The following RCN3 variants were observed in gnomAD, a reference collection of about 807,000 sequenced individuals.
RCN3 encodes reticulocalbin 3.
RCN3 carries 41 observed loss-of-function variants against 35.9 expected under a neutral mutation model. The observed-to-expected ratio is 1.14, with a 90% confidence interval of 0.89 to 1.48. RCN3 has a LOEUF of 1.48. RCN3 is among the 40% of genes most tolerant of loss of function. RCN3 has a pLI of 0.00. For missense variants in RCN3, 451 were observed against 471.3 expected (o/e 0.96, Z 0.40); for synonymous variants, 187 against 193.4 (o/e 0.97, Z 0.27).
At chr19:49,536,984 G>T in intron 3 of RCN3, 49 bp from the exon 4 acceptor site, 1 of 1,435,766 alleles carries the variant, frequency 7.0e-7, no homozygotes, top group Non-Finnish European at 9.3e-7. Context: ...TAACCTGCTT[G>T]GCGTTTCCTC....
At chr19:49,535,147 T>C (rs905161745) in intron 3 of RCN3, among the ~76,000 whole-genome samples, 1 of 152,188 alleles carries the variant, frequency 6.6e-6, no homozygotes, top group African/African-American at 2.4e-5. Context: ...AGCCGGGACG[T>C]TTCCTCCTGT....
Position 49,536,953 on chromosome 19 carries a change from G to A in RCN3, c.446-80G>A. 4 of 1,313,084 alleles carry A rather than the reference G, an allele frequency of 3.0e-6. No homozygotes were observed. The South Asian group carries it at 5.0e-5, about 16-fold the overall frequency. The allele number at this position is 1,313,084 out of a possible 1,614,324, so 81.3% of individuals were successfully genotyped here. On this transcript the variant is annotated intron_variant, in intron 3 of 6. Transcript: ENST00000270645. ...CCACAGAAATCTTTGTACCCCAGTA[G>A]GATTTACTTTGTCTTTGTTTTAACC...
intron 2 of RCN3, among the ~76,000 whole-genome samples, chr19:49,532,534 C>A (rs1050780801): frequency 6.6e-6 from 1 of 152,048 alleles, no homozygotes; most frequent in South Asian, 2.1e-4. Context: ...CACCACTGTG[C>A]CCGGCTACTT....
Position 49,528,027 on chromosome 19 carries a change from G to T in RCN3, c.-38G>T, listed in dbSNP as rs1438466734. Reference sequence around the variant, plus strand: ...CACATTTGCGGGAACGCAGAGCGGAGCGTGGAGAGCGGAGCGAAGCTGGAT... The same window carrying T: ...CACATTTGCGGGAACGCAGAGCGGATCGTGGAGAGCGGAGCGAAGCTGGAT... On this transcript the variant is annotated 5_prime_UTR_variant, in exon 1 of 7. Coordinates refer to ENST00000270645, the MANE Select transcript of RCN3 (RefSeq NM_020650.3). 6.2e-6 allele frequency: 1 copy of T among 161,216 alleles called. No homozygotes were observed. Among genetic ancestry groups the T allele is most frequent in the Non-Finnish European group, 1.3e-5 (1 of 74,662 alleles). 10.0% of individuals were successfully genotyped at this position (161,216 alleles called of 1,614,324 possible).
In RCN3 at chr19:49,528,301, C is replaced by A. The variant is rs1002056313; in HGVS notation, c.-6-166C>A. 15 of 602,024 alleles carry A rather than the reference C, an allele frequency of 2.5e-5. No individual in the cohort carries two copies. The East Asian group carries it at 4.0e-4, about 16-fold the overall frequency. 37.3% of individuals were successfully genotyped at this position (602,024 alleles called of 1,614,324 possible). ...CATAGGTGGCTTTACCTCTAAGCAT[C>A]CCGCCCTCTTTTCCCCCATCGCCCG... On this transcript the variant is annotated intron_variant, in intron 1 of 6. Transcript: ENST00000270645.
chr19:49,541,157 T>C (rs778707843), intron 5 of RCN3, among the ~76,000 whole-genome samples: 16 of 151,884 alleles, frequency 1.1e-4, no homozygotes, highest in Non-Finnish European at 2.1e-4. Flanking sequence ...CTTGAACTCT[T>C]GACCTCAGGT....
chr19:49,542,890 A>G, intron 6 of RCN3, 138 bp downstream of exon 6: 1 of 950,092 alleles, frequency 1.1e-6, no homozygotes. Flanking sequence ...GAGAGGGAGG[A>G]AAAGAGAGGG....
intron 6 of RCN3, 103 bp from the exon 7 acceptor site, chr19:49,543,003 C>G: frequency 1.0e-6 from 1 of 993,160 alleles, no homozygotes; most frequent in South Asian, 1.4e-5. Context: ...GACAGAGGCC[C>G]AGAGAACAAG....
At chr19:49,536,253 T>G (rs1030479551) in intron 3 of RCN3, among the ~76,000 whole-genome samples, 1 of 150,298 alleles carries the variant, frequency 6.7e-6, no homozygotes, top group East Asian at 2.0e-4. Flanking sequence ...CCCAAAGTGC[T>G]GTGATTACAG....
In RCN3 at chr19:49,539,186, G is replaced by T; in HGVS notation, c.679+7G>T. On this transcript the variant is annotated splice_region_variant and intron_variant, in intron 5 of 6. Transcript: ENST00000270645. ...CAGGTGGAGGAGTACATCGGTGAGT[G>T]GGCCCCAATTTCTTCTTGGGATGCC... 6.2e-7 allele frequency: 1 copy of T among 1,608,242 alleles called. No individual in the cohort carries two copies. Among genetic ancestry groups the T allele is most frequent in the South Asian group, 1.1e-5 (1 of 90,364 alleles).
At chr19:49,539,254 AG>A in intron 5 of RCN3, 75 bp downstream of exon 5, 1 of 1,199,502 alleles carries the variant, frequency 8.3e-7, no homozygotes, top group Non-Finnish European at 1.2e-6. Context: ...GGGTAGCCGG[AG>A]GTACATCACC....
chr19:49,529,899 G>A (rs2080100114), intron 2 of RCN3, among the ~76,000 whole-genome samples: 1 of 151,716 alleles, frequency 6.6e-6, no homozygotes, highest in Admixed American at 6.6e-5. Context: ...TGGGATTACA[G>A]GCGCTAGCCA....
At chr19:49,536,986 C>T (rs148418394) in intron 3 of RCN3, 47 bp from the exon 4 acceptor site, 24 of 1,440,822 alleles carry the variant, frequency 1.7e-5, no homozygotes, top group African/African-American at 2.9e-5. Context: ...ACCTGCTTGG[C>T]GTTTCCTCCA....
At position 49,542,544 on chromosome 19, in the gene RCN3, G is replaced by A. The variant is rs367777721; in HGVS notation, c.680-9G>A. On this transcript the variant is annotated splice_polypyrimidine_tract_variant and intron_variant, in intron 5 of 6. Coordinates refer to ENST00000270645, the MANE Select transcript of RCN3 (RefSeq NM_020650.3). ...CCCCTGACCTTGTCCCCTCTGTCCCGGCCCCCAGCGGATCTGTACTCAGCC... is the reference window on the plus strand; with the variant it reads ...CCCCTGACCTTGTCCCCTCTGTCCCAGCCCCCAGCGGATCTGTACTCAGCC... The A allele has an allele frequency of 6.0e-5, 94 of 1,575,918 alleles. No homozygotes were observed. Among genetic ancestry groups the A allele is most frequent in the South Asian group, 3.1e-4 (27 of 85,924 alleles).
chr19:49,538,414 A>G (rs2080147499), intron 4 of RCN3, among the ~76,000 whole-genome samples: 1 of 147,292 alleles, frequency 6.8e-6, no homozygotes. Context: ...TGATCCACCC[A>G]CCTCGGCCTT....
At chr19:49,540,682 T>C (rs555949246) in intron 5 of RCN3, among the ~76,000 whole-genome samples, 70 of 149,680 alleles carry the variant, frequency 4.7e-4, no homozygotes, top group African/African-American at 1.6e-3. Flanking sequence ...AGTGGGGTGA[T>C]CTTGGCTCAC....
chr19:49,540,303 A>C (rs2080157213), intron 5 of RCN3, among the ~76,000 whole-genome samples: 1 of 151,824 alleles, frequency 6.6e-6, no homozygotes, highest in Admixed American at 6.6e-5. Flanking sequence ...GAATCACCAC[A>C]CCTGGCTGAG....
chr19:49,535,954 ATATATATACAAAT>A (rs1268246751), intron 3 of RCN3, among the ~76,000 whole-genome samples: 1 of 119,916 alleles, frequency 8.3e-6, no homozygotes, highest in East Asian at 2.1e-4. Flanking sequence ...ATATACTTAA[ATATATATACAAAT>A]TATATATAAA....
Position 49,539,194 on chromosome 19 carries a change from A to C in RCN3, c.679+15A>C. On this transcript the variant is annotated intron_variant, in intron 5 of 6. Transcript: ENST00000270645. ...GGAGTACATCGGTGAGTGGGCCCCA[A>C]TTTCTTCTTGGGATGCCTGTCCTCT... 1.2e-6 allele frequency: 2 copies of C among 1,604,730 alleles called. No individual in the cohort carries two copies. The highest frequency in any genetic ancestry group is 2.2e-5 in the South Asian group (2 of 90,118).
Sources: gnomAD v4.1 joint callset for allele counts (sites outside exome capture counted in the v4.1 genomes callset) on GRCh38, gnomAD v4.1.1 for gene constraint, MANE v1.5 for transcripts, NCBI Gene and HGNC (gene_info 2026-07-23, HGNC 2026-07-21) for gene names.